EFCAB11: variants seen among roughly 807,000 people sequenced by gnomAD.
The protein encoded by EFCAB11 is EF-hand calcium binding domain 11.
Under a neutral mutation model 23.0 loss-of-function variants are expected in EFCAB11, and 14 were observed. The observed-to-expected ratio is 0.61, with a 90% CI of 0.40 to 0.95. The LOEUF is 0.95. Ranked by LOEUF, EFCAB11 falls within the 40% of genes least tolerant of loss-of-function variation. The probability of loss-of-function intolerance (pLI) is 0.00; values close to 1 mark genes in which losing one functional copy is unlikely to be tolerated. For missense variants in EFCAB11, 198 were observed against 195.8 expected (o/e 1.01, Z -0.07); for synonymous variants, 65 against 66.6 (o/e 0.98, Z 0.11).
chr14:89,936,748 T>C (rs1199969803), intron 3 of EFCAB11, among the ~76,000 whole-genome samples: 1 of 152,202 alleles, frequency 6.6e-6, no homozygotes, highest in Non-Finnish European at 1.5e-5. Context: ...CCAAAGCCAA[T>C]ACATAGTAAC....
chr14:89,820,041 A>T (rs1886458857), intron 5 of EFCAB11, among the ~76,000 whole-genome samples: 1 of 152,184 alleles, frequency 6.6e-6, no homozygotes, highest in African/African-American at 2.4e-5. Flanking sequence ...AATACATATA[A>T]AGACCACATA....
At chr14:89,927,460 G>C (rs1415471018) in intron 5 of EFCAB11, among the ~76,000 whole-genome samples, 1 of 151,924 alleles carries the variant, frequency 6.6e-6, no homozygotes, top group Non-Finnish European at 1.5e-5. Context: ...TTGTGGACCT[G>C]GGTAAAGAAA....
At chr14:89,798,642 G>GAA (rs1246375486) in intron 5 of EFCAB11, among the ~76,000 whole-genome samples, 1 of 152,154 alleles carries the variant, frequency 6.6e-6, no homozygotes, top group Non-Finnish European at 1.5e-5. Context: ...GAATAACCTA[G>GAA]AAAAATAATG....
intron 2 of EFCAB11, among the ~76,000 whole-genome samples, chr14:89,951,384 CTCTAG>C (rs1891159768): frequency 6.6e-6 from 1 of 152,180 alleles, no homozygotes; most frequent in African/African-American, 2.4e-5. Flanking sequence ...AGTCTATCTT[CTCTAG>C]TCTAAATGAC....
chr14:89,928,762 A>G (rs1890279276), intron 5 of EFCAB11, among the ~76,000 whole-genome samples: 1 of 147,590 alleles, frequency 6.8e-6, no homozygotes, highest in South Asian at 2.1e-4. Context: ...TTATATAATT[A>G]TATATTGCAT....
chr14:89,921,213 G>A (rs1298057405), intron 5 of EFCAB11, among the ~76,000 whole-genome samples: 1 of 152,166 alleles, frequency 6.6e-6, no homozygotes, highest in Non-Finnish European at 1.5e-5. Flanking sequence ...AATGCTAGGA[G>A]AGAAATGAGA....
At chr14:89,820,551 G>A (rs1246953851) in intron 5 of EFCAB11, among the ~76,000 whole-genome samples, 10 of 150,720 alleles carry the variant, frequency 6.6e-5, no homozygotes, top group Non-Finnish European at 1.2e-4. Flanking sequence ...CTAGACAGGC[G>A]ACATCACATA....
intron 5 of EFCAB11, among the ~76,000 whole-genome samples, chr14:89,921,368 T>C (rs2139787015): frequency 6.6e-6 from 1 of 152,292 alleles, no homozygotes; most frequent in East Asian, 1.9e-4. Flanking sequence ...ATCTAGACAT[T>C]ATTTGGTAGG....
In EFCAB11 at chr14:89,953,894, A is replaced by G. The variant is rs779963508; in HGVS notation, c.171+12T>C. 6.6e-5 allele frequency: 106 copies of G among 1,609,120 alleles called. No individual in the cohort carries two copies. The highest frequency in any genetic ancestry group is 8.8e-5 in the Non-Finnish European group (104 of 1,177,562). ...CGTCTACCCCATCCCCAAATATATAAGAAAGCTCTACCTTGGAGGGCTTGT... is the reference window on the plus strand; with the variant it reads ...CGTCTACCCCATCCCCAAATATATAGGAAAGCTCTACCTTGGAGGGCTTGT... On this transcript the variant is annotated intron_variant, in intron 2 of 5. Coordinates refer to ENST00000316738, the MANE Select transcript of EFCAB11 (RefSeq NM_145231.4).
At chr14:89,863,595 C>A (rs1462904875) in intron 5 of EFCAB11, among the ~76,000 whole-genome samples, 1 of 152,178 alleles carries the variant, frequency 6.6e-6, no homozygotes, top group Non-Finnish European at 1.5e-5. Flanking sequence ...GCTTTTCTTC[C>A]CAAAGAGATC....
chr14:89,946,495 G>A (rs573206275), intron 3 of EFCAB11, among the ~76,000 whole-genome samples: 85 of 152,062 alleles, frequency 5.6e-4, no homozygotes, highest in African/African-American at 2.0e-3. Context: ...ATTAATGATT[G>A]GATTTAAATC....
chr14:89,886,220 AG>A (rs762470885), intron 5 of EFCAB11, among the ~76,000 whole-genome samples: 14 of 152,106 alleles, frequency 9.2e-5, no homozygotes, highest in Non-Finnish European at 1.9e-4. Flanking sequence ...CTCACCTTAT[AG>A]AAAGTGATCT....
intron 5 of EFCAB11, among the ~76,000 whole-genome samples, chr14:89,840,879 T>G (rs574197126): frequency 6.6e-6 from 1 of 152,208 alleles, no homozygotes; most frequent in Non-Finnish European, 1.5e-5. Context: ...AAATTTTAGG[T>G]TGTGATAAAA....
chr14:89,835,643 T>TGTG (rs1491344939), intron 5 of EFCAB11, among the ~76,000 whole-genome samples: 1 of 138,816 alleles, frequency 7.2e-6, no homozygotes, highest in Non-Finnish European at 1.6e-5. Context: ...TGTGTGTGTG[T>TGTG]TTGAGACGTT....
chr14:89,833,551 C>T (rs1002702578), intron 5 of EFCAB11, among the ~76,000 whole-genome samples: 4 of 152,128 alleles, frequency 2.6e-5, no homozygotes, highest in South Asian at 2.1e-4. Flanking sequence ...AAATAGTTCT[C>T]GCTGAATTCT....
chr14:89,863,992 A>G (rs530048632), intron 5 of EFCAB11, among the ~76,000 whole-genome samples: 29 of 152,362 alleles, frequency 1.9e-4, no homozygotes, highest in African/African-American at 6.3e-4. Flanking sequence ...CCTTATTTGC[A>G]TCTTCTTCCA....
intron 5 of EFCAB11, among the ~76,000 whole-genome samples, chr14:89,815,618 G>A (rs778505787): frequency 4.6e-5 from 7 of 152,054 alleles, no homozygotes; most frequent in Non-Finnish European, 1.0e-4. Flanking sequence ...TAGAGACGGG[G>A]TTTCACCATG....
At chr14:89,869,493 A>C (rs1285436961) in intron 5 of EFCAB11, among the ~76,000 whole-genome samples, 1 of 152,236 alleles carries the variant, frequency 6.6e-6, no homozygotes, top group Non-Finnish European at 1.5e-5. Flanking sequence ...AGGTTAAAAA[A>C]AATTCTATAC....
intron 5 of EFCAB11, among the ~76,000 whole-genome samples, chr14:89,811,176 C>T (rs1239879201): frequency 2.6e-5 from 4 of 151,856 alleles, no homozygotes; most frequent in Non-Finnish European, 5.9e-5. Context: ...GAGCAAGGTA[C>T]ATTCAAGGAA....
Sources: gnomAD v4.1 joint callset for allele counts (sites outside exome capture counted in the v4.1 genomes callset) on GRCh38, gnomAD v4.1.1 for gene constraint, MANE v1.5 for transcripts, NCBI Gene and HGNC (gene_info 2026-07-23, HGNC 2026-07-21) for gene names.